Variants in ADGRL3 observed in about 807,000 individuals in gnomAD.
ADGRL3 encodes adhesion G protein-coupled receptor L3, also known as calcium-independent alpha-latrotoxin receptor 3.
A neutral mutation model predicts 153.5 loss-of-function variants in ADGRL3; 62 were observed. The observed-to-expected ratio is 0.40, with a 90% CI of 0.33 to 0.50. The LOEUF (loss-of-function observed/expected upper bound fraction) is 0.50, where lower values mean the gene tolerates loss of function less well. Among genes scored for constraint, ADGRL3 ranks in the 20% least tolerant of loss-of-function variants. The pLI, the probability that ADGRL3 is intolerant of heterozygous loss-of-function variation, is 0.47. For missense variants in ADGRL3, 1,641 were observed against 1,859.4 expected (o/e 0.88, Z 2.16); for synonymous variants, 710 against 672.5 (o/e 1.06, Z -0.86).
At position 61,714,375 on chromosome 4, in the gene ADGRL3, A is replaced by AACAC. The variant is rs536622577; in HGVS notation, c.584-16231_584-16228dup. ...GTATACTTGAGTACACACACACACA[A>AACAC]ACACACACACACACACACATATTTA... is the stretch of plus-strand genomic sequence containing the variant. On this transcript the variant is annotated intron_variant, in intron 6 of 26. Coordinates refer to ENST00000683033, the MANE Select transcript of ADGRL3 (RefSeq NM_001387552.1). 2.4e-4 allele frequency among the ~76,000 whole-genome samples: 35 copies of AACAC among 147,490 alleles called. No homozygotes were observed. In the Middle Eastern group the frequency reaches 0.011, roughly 45 times the overall value.
At chr4:61,869,960 AAGAGAGAG>A (rs1311740882) in intron 9 of ADGRL3, among the ~76,000 whole-genome samples, 2 of 101,866 alleles carry the variant, frequency 2.0e-5, no homozygotes, top group Admixed American at 1.1e-4. Flanking sequence ...AAAAAAAAAA[AAGAGAGAG>A]AGAGAGAAAG....
chr4:61,553,556 T>C (rs768253333), intron 4 of ADGRL3, among the ~76,000 whole-genome samples: 2 of 152,236 alleles, frequency 1.3e-5, no homozygotes, highest in Non-Finnish European at 2.9e-5. Context: ...CCATTATTTA[T>C]TTTTATTTTA....
At chr4:61,391,620 T>C (rs2096803180) in intron 2 of ADGRL3, among the ~76,000 whole-genome samples, 1 of 152,132 alleles carries the variant, frequency 6.6e-6, no homozygotes, top group African/African-American at 2.4e-5. Context: ...ATAGTAAGTC[T>C]ATCTATTGAT....
chr4:61,270,499 C>G (rs919793625), intron 1 of ADGRL3, among the ~76,000 whole-genome samples: 1 of 151,666 alleles, frequency 6.6e-6, no homozygotes, highest in African/African-American at 2.4e-5. Flanking sequence ...TAGACATTTC[C>G]TGAAGCATAT....
intron 2 of ADGRL3, among the ~76,000 whole-genome samples, chr4:61,411,143 A>G (rs779890632): frequency 6.6e-6 from 1 of 152,172 alleles, no homozygotes; most frequent in African/African-American, 2.4e-5. Context: ...CTATAAACCT[A>G]TTCAGATTTT....
intron 8 of ADGRL3, among the ~76,000 whole-genome samples, chr4:61,781,396 T>G (rs1233223450): frequency 6.8e-6 from 1 of 147,942 alleles, no homozygotes; most frequent in African/African-American, 2.5e-5. Flanking sequence ...CTTAATGAAA[T>G]AAGTACTTTT....
chr4:61,552,381 G>T (rs1462767216), intron 4 of ADGRL3, among the ~76,000 whole-genome samples: 2 of 151,888 alleles, frequency 1.3e-5, no homozygotes, highest in African/African-American at 2.4e-5. Context: ...TATATCACTG[G>T]GTGAGTACCA....
At chr4:61,965,486 AC>A (rs2099003004) in intron 17 of ADGRL3, among the ~76,000 whole-genome samples, 3 of 152,166 alleles carry the variant, frequency 2.0e-5, no homozygotes, top group African/African-American at 7.2e-5. Flanking sequence ...ACGGTGGCTC[AC>A]GCCTGTAATC....
intron 17 of ADGRL3, among the ~76,000 whole-genome samples, chr4:61,948,618 G>A (rs930974767): frequency 6.6e-6 from 1 of 152,094 alleles, no homozygotes; most frequent in African/African-American, 2.4e-5. Context: ...TAGAAAGCTG[G>A]GACTGGGGAG....
chr4:61,902,070 T>C (rs2098667638), intron 11 of ADGRL3, among the ~76,000 whole-genome samples: 1 of 152,158 alleles, frequency 6.6e-6, no homozygotes, highest in Admixed American at 6.6e-5. Flanking sequence ...AATAAGATCA[T>C]TATAGTCTAC....
At chr4:61,939,595 G>A (rs1363051532) in intron 15 of ADGRL3, among the ~76,000 whole-genome samples, 1 of 151,758 alleles carries the variant, frequency 6.6e-6, no homozygotes, top group Non-Finnish European at 1.5e-5. Context: ...TCAGCCTCCT[G>A]AGTAGCTGGG....
chr4:61,317,849 C>T (rs140963165), intron 1 of ADGRL3, among the ~76,000 whole-genome samples: 5 of 152,028 alleles, frequency 3.3e-5, no homozygotes, highest in Admixed American at 2.0e-4. Context: ...CAAAAACTTA[C>T]AAGACAACTA....
intron 1 of ADGRL3, among the ~76,000 whole-genome samples, chr4:61,217,723 A>G (rs1743499232): frequency 6.6e-6 from 1 of 152,164 alleles, no homozygotes; most frequent in East Asian, 1.9e-4. Context: ...GGAGATATGT[A>G]TCTGTTTGTA....
chr4:61,949,881 C>T lies in ADGRL3; in HGVS notation c.2805+1605C>T, dbSNP rs142908551. ...GGGAAAAGCACTCATAGCTTCAACA[C>T]TTTATGCGAAAGTTAAAGCTTAGTT... On this transcript the variant is annotated intron_variant, in intron 17 of 26. Coordinates refer to ENST00000683033, the MANE Select transcript of ADGRL3 (RefSeq NM_001387552.1). Among the ~76,000 whole-genome samples the T allele has an allele frequency of 1.7e-3, 263 of 152,254 alleles. 1 individual carries two copies. Among genetic ancestry groups the T allele is most frequent in the African/African-American group, 6.0e-3 (249 of 41,550 alleles).
chr4:61,855,595 A>G (rs896738618), intron 9 of ADGRL3, among the ~76,000 whole-genome samples: 1 of 152,158 alleles, frequency 6.6e-6, no homozygotes, highest in Non-Finnish European at 1.5e-5. Flanking sequence ...GAAAATATCA[A>G]GAGATTTATG....
chr4:61,515,288 T>G (rs948278609), intron 3 of ADGRL3, among the ~76,000 whole-genome samples: 1 of 152,186 alleles, frequency 6.6e-6, no homozygotes, highest in Non-Finnish European at 1.5e-5. Context: ...GTCACACAAC[T>G]GAATGTTGTA....
chr4:62,018,083 A>G (rs2099221431), intron 21 of ADGRL3, among the ~76,000 whole-genome samples: 1 of 152,142 alleles, frequency 6.6e-6, no homozygotes, highest in Non-Finnish European at 1.5e-5. Context: ...CACTGTTTGC[A>G]AATTGAGCAG....
intron 2 of ADGRL3, among the ~76,000 whole-genome samples, chr4:61,486,165 C>T (rs1357928939): frequency 3.3e-5 from 5 of 151,998 alleles, no homozygotes; most frequent in Non-Finnish European, 2.9e-5. Context: ...AGGATGGTCT[C>T]GATCTCCTGA....
intron 17 of ADGRL3, among the ~76,000 whole-genome samples, chr4:61,970,791 C>A (rs553959845): frequency 1.3e-5 from 2 of 152,252 alleles, no homozygotes; most frequent in African/African-American, 2.4e-5. Context: ...GGTTACCCAA[C>A]TATGACAGGT....
Sources: allele counts gnomAD v4.1 joint callset (sites outside exome capture counted in the v4.1 genomes callset), GRCh38; gene constraint gnomAD v4.1.1; transcripts MANE v1.5; gene names NCBI Gene and HGNC (gene_info 2026-07-23, HGNC 2026-07-21).